The following ARL10 variants were observed in gnomAD, a reference collection of about 807,000 sequenced individuals.
The protein encoded by ARL10 is ARF like GTPase 10.
ARL10 carries 23 observed loss-of-function variants against 26.1 expected under a neutral mutation model. That is an observed-to-expected ratio of 0.88 (90% CI 0.63 to 1.25). ARL10 has a LOEUF of 1.25. Ranked by LOEUF, ARL10 falls within the 50% of genes most tolerant of loss-of-function variation. ARL10 has a pLI of 0.00. For missense variants in ARL10, 300 were observed against 323.6 expected, an observed-to-expected ratio of 0.93 and a Z score of 0.56; for synonymous variants, 138 against 149.1, an observed-to-expected ratio of 0.93 and a Z score of 0.54.
downstream of ARL10, chr5:176,389,647 A>C: frequency 3.7e-6 from 3 of 819,380 alleles, no homozygotes; most frequent in Non-Finnish European, 5.5e-6. Context: ...ACTGTAACCG[A>C]AAGTTTTTTC....
rs1755504211 is a variant in ARL10 at position 176,379,654 on chromosome 5, T to C, written c.*7759T>C. 6.6e-6 allele frequency: 1 copy of C among 152,226 alleles called. No homozygotes were observed. The allele number at this position is 152,226 out of a possible 1,614,324, so 9.4% of individuals were successfully genotyped here. A position where few individuals can be genotyped will look rare whatever the true frequency, so the allele number is the denominator to read the frequency against. ...TTTCTGTCTCTGCAGGTTTCACAAG[T>C]AGTGTTTCTAAATGAGCTCTATAAT... On this transcript the variant is annotated 3_prime_UTR_variant, in exon 4 of 4. Coordinates refer to ENST00000310389, the MANE Select transcript of ARL10 (RefSeq NM_173664.6).
rs1310165781 is a variant in ARL10 at position 176,366,298 on chromosome 5, G to A, written c.184-82G>A. 3.4e-6 allele frequency: 5 copies of A among 1,488,226 alleles called. No individual in the cohort carries two copies. The African/African-American group carries it at 5.5e-5, about 16-fold the overall frequency. 92.2% of individuals were successfully genotyped at this position (1,488,226 alleles called of 1,614,324 possible). A position where few individuals can be genotyped will look rare whatever the true frequency, so the allele number is the denominator to read the frequency against. Reference sequence around the variant, plus strand: ...CAGGACGGGTGGAAGGCGGGCCTGGGCCCTCTGGTGCCTTCGGTCTTCCCT... The same window carrying A: ...CAGGACGGGTGGAAGGCGGGCCTGGACCCTCTGGTGCCTTCGGTCTTCCCT... On this transcript the variant is annotated intron_variant, in intron 1 of 3. Transcript: ENST00000310389.
intron 2 of ARL10, among the ~76,000 whole-genome samples, chr5:176,367,602 C>T (rs757850867): frequency 2.9e-4 from 44 of 152,236 alleles, no homozygotes; most frequent in Non-Finnish European, 5.4e-4. Flanking sequence ...TCACAGCCAT[C>T]TCTTTCTCCT....
At chr5:176,410,565 T>G in the ARL10 span, among the ~76,000 whole-genome samples, 2 of 152,128 alleles carry the variant, frequency 1.3e-5, no homozygotes, top group East Asian at 3.9e-4. Flanking sequence ...TTACAGATAC[T>G]CAAGCTGAGG....
At chr5:176,412,671 C>T in the ARL10 span, among the ~76,000 whole-genome samples, 2 of 152,136 alleles carry the variant, frequency 1.3e-5, no homozygotes, top group East Asian at 3.9e-4. Flanking sequence ...TGGAAATAAT[C>T]CCCGGGTGAC....
In ARL10 at chr5:176,379,172, T is replaced by G. The variant is rs1404267745; in HGVS notation, c.*7277T>G. ...ATGTTCTTTTTTATGTATGTATGTA[T>G]GTATTTATTTTTTGAGATGGAGTTT... is the stretch of plus-strand genomic sequence containing the variant. On this transcript the variant is annotated 3_prime_UTR_variant, in exon 4 of 4. Transcript: ENST00000310389. 2.0e-5 allele frequency: 3 copies of G among 152,078 alleles called. No homozygotes were observed. The highest frequency in any genetic ancestry group is 4.4e-5 in the Non-Finnish European group (3 of 68,032). The allele number at this position is 152,078 out of a possible 1,614,324, so 9.4% of individuals were successfully genotyped here.
chr5:176,391,343 A>G (rs1756257171), downstream of ARL10, among the ~76,000 whole-genome samples: 2 of 152,192 alleles, frequency 1.3e-5, no homozygotes, highest in African/African-American at 2.4e-5. Flanking sequence ...GCTGGGTGCT[A>G]TGGTTCATCC....
chr5:176,403,238 C>T (rs769044277), downstream of ARL10, among the ~76,000 whole-genome samples: 6 of 151,740 alleles, frequency 4.0e-5, no homozygotes, highest in African/African-American at 9.7e-5. Flanking sequence ...TTAGTAGAGA[C>T]GGGGTTTTGC....
At chr5:176,412,164 A>G in the ARL10 span, among the ~76,000 whole-genome samples, 6,592 of 143,816 alleles carry the variant, frequency 0.046, 504 homozygotes, top group African/African-American at 0.16. Flanking sequence ...CGACAGAGTG[A>G]GACTCATCTC....
downstream of ARL10, chr5:176,406,117 G>T (rs945903336): frequency 2.0e-6 from 2 of 981,266 alleles, no homozygotes; most frequent in Non-Finnish European, 2.4e-6. Context: ...CCTTGCCAGT[G>T]ACAGTGTCAC....
At chr5:176,384,507 C>G, downstream of ARL10, 1 of 856,094 alleles carries the variant, frequency 1.2e-6, no homozygotes, top group Non-Finnish European at 1.8e-6. Context: ...CTGTGGTGCA[C>G]CGGGCACAGT....
At chr5:176,403,457 GT>G (rs149404509), downstream of ARL10, among the ~76,000 whole-genome samples, 1 of 147,660 alleles carries the variant, frequency 6.8e-6, no homozygotes, top group Non-Finnish European at 1.5e-5. Context: ...TTTTTGTTTT[GT>G]TTTTTTTCTT....
Position 176,372,539 on chromosome 5 carries a change from G to C in ARL10, c.*644G>C, listed in dbSNP as rs1226455253. The C allele has an allele frequency of 5.4e-6, 1 of 185,428 alleles. No individual in the cohort carries two copies. Among genetic ancestry groups the C allele is most frequent in the African/African-American group, 2.3e-5 (1 of 42,948 alleles). 11.5% of individuals were successfully genotyped at this position (185,428 alleles called of 1,614,324 possible). ...ATGAACCTGGCCATCCTAGCAAGGA[G>C]CTTTCTGAAGACCTCCCTGCCTTTC... is the stretch of plus-strand genomic sequence containing the variant. On this transcript the variant is annotated 3_prime_UTR_variant, in exon 4 of 4. Coordinates refer to ENST00000310389, the MANE Select transcript of ARL10 (RefSeq NM_173664.6).
the ARL10 span, chr5:176,410,447 A>G: frequency 5.8e-5 from 37 of 635,016 alleles, 1 homozygote; most frequent in African/African-American, 5.5e-4. Context: ...ATGGATATAT[A>G]TATAACTTAG....
At chr5:176,399,042 C>G (rs1266026106) in intron 1 of ARL10, among the ~76,000 whole-genome samples, 5 of 152,030 alleles carry the variant, frequency 3.3e-5, no homozygotes, top group Non-Finnish European at 7.4e-5. Flanking sequence ...CGGGGTTTCT[C>G]CATGTTGGTC....
chr5:176,402,112 G>C (rs1176418965), downstream of ARL10, among the ~76,000 whole-genome samples: 1 of 152,084 alleles, frequency 6.6e-6, no homozygotes, highest in East Asian at 1.9e-4. Context: ...AGACCACCCT[G>C]GGCAACGTGG....
chr5:176,411,585 G>T, the ARL10 span, among the ~76,000 whole-genome samples: 2 of 152,068 alleles, frequency 1.3e-5, no homozygotes, highest in African/African-American at 2.4e-5. Context: ...GTGTTTATTT[G>T]TGTATGTGTT....
chr5:176,382,262 G>A (rs975953272), downstream of ARL10, among the ~76,000 whole-genome samples: 1 of 152,226 alleles, frequency 6.6e-6, no homozygotes, highest in Admixed American at 6.5e-5. Flanking sequence ...TTGGGAACCA[G>A]TCCAGTTACC....
chr5:176,388,197 T>A (rs776608916), intron 1 of ARL10: 2 of 1,449,048 alleles, frequency 1.4e-6, no homozygotes, highest in African/African-American at 1.4e-5. Flanking sequence ...GGGGGAAGAG[T>A]AAAGAAGACA....
Sources: gnomAD v4.1 joint callset for allele counts (sites outside exome capture counted in the v4.1 genomes callset) on GRCh38, gnomAD v4.1.1 for gene constraint, MANE v1.5 for transcripts, NCBI Gene and HGNC (gene_info 2026-07-23, HGNC 2026-07-21) for gene names.